The following CDH3 variants were observed in gnomAD, a reference collection of about 807,000 sequenced individuals.
The protein encoded by CDH3 is cadherin 3.
CDH3 carries 54 observed loss-of-function variants against 82.0 expected under a neutral mutation model. That is an observed-to-expected ratio of 0.66 (90% CI 0.53 to 0.83). CDH3 has a LOEUF of 0.83. Among genes scored for constraint, CDH3 ranks in the 40% least tolerant of loss-of-function variants. The pLI is 0.00. For synonymous variants in CDH3, 446 were observed against 437.9 expected, an observed-to-expected ratio of 1.02 and a Z score of -0.23; for missense variants, 1,054 against 1,084.6, an observed-to-expected ratio of 0.97 and a Z score of 0.40.
chr16:68,651,885 G>T, intron 2 of CDH3: 2 of 452,780 alleles, frequency 4.4e-6, no homozygotes, highest in South Asian at 3.7e-5. Flanking sequence ...GTCATATCTG[G>T]ACAGGAGCCG....
rs1411896780 is a variant in CDH3 at position 68,707,514 on chromosome 16, T to A, written c.99+11591T>A. On this transcript the variant is annotated intron_variant, in intron 1 of 2. Transcript: ENST00000569080. This position sits in a 1 kb window ranked among gnomAD's most constrained non-coding sequence, Gnocchi z 4.5. Reference sequence around the variant, plus strand: ...AGCTGGCAGGCGGGAGCTAGGAGATTCCTCTCTCGGGGAACCGGGGAGCCT... The same window carrying A: ...AGCTGGCAGGCGGGAGCTAGGAGATACCTCTCTCGGGGAACCGGGGAGCCT... Among the ~76,000 whole-genome samples the A allele has an allele frequency of 6.6e-6, 1 of 151,998 alleles. No individual in the cohort carries two copies. The highest frequency in any genetic ancestry group is 2.4e-5 in the African/African-American group (1 of 41,374).
rs531970165 is a variant in CDH3, at chr16:68,724,092, C to T, written c.*45+1476C>T. On this transcript the variant is annotated intron_variant, in intron 2 of 2. Coordinates refer to the CDH3 transcript ENST00000569080. The stretch of plus-strand genomic sequence containing the variant: ...TCAAAAAAAAAAAAAAAAAATTAGC[C>T]GGGTGTGGTGGCGCACACCGTAATC... Among the ~76,000 whole-genome samples, 17 of 134,588 alleles carry T rather than the reference C, an allele frequency of 1.3e-4. No homozygotes were observed. The South Asian group carries it at 3.8e-3, about 30-fold the overall frequency. 88.3% of individuals were successfully genotyped at this position (134,588 alleles called of 152,430 possible). A position where few individuals can be genotyped will look rare whatever the true frequency, so the allele number is the denominator to read the frequency against.
At chr16:68,719,016 G>T (rs1439658538) in intron 1 of CDH3, among the ~76,000 whole-genome samples, 2 of 152,160 alleles carry the variant, frequency 1.3e-5, no homozygotes, top group African/African-American at 4.8e-5. Context: ...GCCAAGGCAG[G>T]TGGATCACCT....
intron 6 of CDH3, among the ~76,000 whole-genome samples, chr16:68,679,158 G>A (rs946788536): frequency 5.9e-5 from 9 of 152,192 alleles, no homozygotes; most frequent in African/African-American, 2.2e-4. Context: ...ACTAGCTTTG[G>A]AGCTTCAAAG....
chr16:68,686,698 AT>A, intron 11 of CDH3: 2 of 762,578 alleles, frequency 2.6e-6, no homozygotes, highest in Non-Finnish European at 4.8e-6. Context: ...ATAAGTCACT[AT>A]TGGAATGGCA....
At chr16:68,680,006 C>T in intron 7 of CDH3, 32 bp downstream of exon 7, 1 of 1,600,228 alleles carries the variant, frequency 6.2e-7, no homozygotes, top group South Asian at 1.1e-5. Flanking sequence ...TACTGCCTAC[C>T]CAGACTTGCC....
rs1404159002 is a variant in CDH3, at chr16:68,707,894, G to A, written c.99+11971G>A. On this transcript the variant is annotated intron_variant, in intron 1 of 2. Transcript: ENST00000569080. This position sits in a 1 kb window ranked among gnomAD's most constrained non-coding sequence, Gnocchi z 4.5. Reference sequence around the variant, plus strand: ...GGCGGGTCAGGAATGCCTGGGCTCCGTTCCAACTTCTGTCCCCACTGTTGT... The same window carrying A: ...GGCGGGTCAGGAATGCCTGGGCTCCATTCCAACTTCTGTCCCCACTGTTGT... Among the ~76,000 whole-genome samples, 2 of 151,898 alleles carry A rather than the reference G, an allele frequency of 1.3e-5. No individual in the cohort carries two copies. Among genetic ancestry groups the A allele is most frequent in the Admixed American group, 6.6e-5 (1 of 15,232 alleles).
At chr16:68,661,965 A>AC (rs1640100935) in intron 2 of CDH3, among the ~76,000 whole-genome samples, 1 of 152,246 alleles carries the variant, frequency 6.6e-6, no homozygotes, top group Admixed American at 6.5e-5. Flanking sequence ...TGCTGGGATT[A>AC]CAGGCGTGAG....
chr16:68,721,595 G>A (rs1325317561), intron 1 of CDH3, among the ~76,000 whole-genome samples: 1 of 152,102 alleles, frequency 6.6e-6, no homozygotes, highest in East Asian at 1.9e-4. Flanking sequence ...GAGCCACTAT[G>A]CCCAGCCCCT....
At chr16:68,663,984 T>G (rs1232689133) in intron 2 of CDH3, among the ~76,000 whole-genome samples, 3 of 120,572 alleles carry the variant, frequency 2.5e-5, no homozygotes, top group African/African-American at 9.5e-5. Flanking sequence ...CTATGCTAAG[T>G]ATTAACTCAT....
At chr16:68,661,500 T>C (rs1960578039) in intron 2 of CDH3, among the ~76,000 whole-genome samples, 1 of 152,234 alleles carries the variant, frequency 6.6e-6, no homozygotes, top group Non-Finnish European at 1.5e-5. Flanking sequence ...TTGTTATAGC[T>C]GGAATAGTTT....
At chr16:68,721,579 A>G (rs1450492301) in intron 1 of CDH3, among the ~76,000 whole-genome samples, 1 of 152,096 alleles carries the variant, frequency 6.6e-6, no homozygotes, top group Non-Finnish European at 1.5e-5. Context: ...TAGGGATTAC[A>G]GGTGTGAGCC....
chr16:68,672,199 A>AT (rs1567444923), intron 2 of CDH3, among the ~76,000 whole-genome samples: 99 of 143,826 alleles, frequency 6.9e-4, no homozygotes, highest in South Asian at 3.6e-3. Flanking sequence ...TCAAAAAAAA[A>AT]AAAAATAAAT....
In CDH3 at chr16:68,720,933, T is replaced by C. The variant is rs578004208; in HGVS notation, c.100-1492T>C. 2.0e-4 allele frequency among the ~76,000 whole-genome samples: 31 copies of C among 152,238 alleles called. 1 individual carries two copies. In the South Asian group the frequency reaches 6.4e-3, roughly 32 times the overall value. Reference sequence around the variant, plus strand: ...CCATGTCAGGCCTTTATTGAGCATTTAGATGTATTAAGCACTTTGCAGGTA... The same window carrying C: ...CCATGTCAGGCCTTTATTGAGCATTCAGATGTATTAAGCACTTTGCAGGTA... On this transcript the variant is annotated intron_variant, in intron 1 of 2. Coordinates refer to the CDH3 transcript ENST00000569080.
rs775715119 is a variant in CDH3, at chr16:68,678,864, C to T, written c.649C>T (p.Gln217Ter). 1 of 1,614,086 alleles carries T rather than the reference C, an allele frequency of 6.2e-7. No individual in the cohort carries two copies. Among genetic ancestry groups the T allele is most frequent in the Non-Finnish European group, 8.5e-7 (1 of 1,180,032 alleles). Residue 217 changes from glutamine (Q) to a stop codon, truncating the protein, a stop_gained, in exon 6 of 16, where the codon CAG becomes TAG. Transcript: ENST00000264012. LOFTEE classifies it high-confidence loss of function. ...GAATGACCACAAGCCCAAGTTTACC[C>T]AGGACACCTTCCGAGGGAGTGTCTT... ...DQNDHKPKFT[Q>*]DTFRGSVLEG...
intron 2 of CDH3, among the ~76,000 whole-genome samples, chr16:68,646,542 G>A (rs1960075812): frequency 6.6e-6 from 1 of 151,988 alleles, no homozygotes; most frequent in South Asian, 2.1e-4. Context: ...ACCTGAGGGG[G>A]TGGGCGGTGC....
intron 2 of CDH3, among the ~76,000 whole-genome samples, chr16:68,660,235 T>G (rs1960524843): frequency 6.6e-6 from 1 of 152,244 alleles, no homozygotes; most frequent in Non-Finnish European, 1.5e-5. Context: ...TGCTGTAAAC[T>G]TAAGGTTACT....
In CDH3 at chr16:68,678,565, G is replaced by T; in HGVS notation, c.455G>T (p.Ser152Ile). ...FYSITGPGAD[S>I]PPEGVFAVEK... Reference sequence around the variant, plus strand: ...AGCATCACGGGGCCGGGGGCAGACAGCCCCCCTGAGGGTGTCTTCGCTGTA... The same window carrying T: ...AGCATCACGGGGCCGGGGGCAGACATCCCCCCTGAGGGTGTCTTCGCTGTA... The change falls in exon 5 of 16, where the codon AGC becomes ATC. Residue 152 changes from serine to isoleucine, a missense_variant. Ser to Ile is a moderately radical substitution (Grantham distance 142). Coordinates refer to ENST00000264012, the MANE Select transcript of CDH3 (RefSeq NM_001793.6). 1 of 1,613,552 alleles carries T rather than the reference G, an allele frequency of 6.2e-7. No individual in the cohort carries two copies. The highest frequency in any genetic ancestry group is 1.1e-5 in the South Asian group (1 of 91,042).
At position 68,687,674 on chromosome 16, in the gene CDH3, C is replaced by A; in HGVS notation, c.1733C>A (p.Pro578His). Residue 578 changes from proline to histidine, a missense_variant, in exon 12 of 16, where the codon CCT (proline) becomes CAT (histidine). Pro to His is a moderately conservative substitution (Grantham distance 77, BLOSUM62 -2). Coordinates refer to ENST00000264012, the MANE Select transcript of CDH3 (RefSeq NM_001793.6). The stretch of plus-strand genomic sequence containing the variant: ...AAGGACCTGTCTCCCCACACCTCCC[C>A]TTTCCAGGCCCAGCTCACAGATGAC... ...TDKDLSPHTS[P>H]FQAQLTDDSD... is the part of the protein sequence containing the mutation. 6.2e-7 allele frequency: 1 copy of A among 1,614,112 alleles called. No individual in the cohort carries two copies. The highest frequency in any genetic ancestry group is 1.1e-5 in the South Asian group (1 of 91,074).
Sources: allele counts gnomAD v4.1 joint callset (sites outside exome capture counted in the v4.1 genomes callset), GRCh38; gene constraint gnomAD v4.1.1; non-coding constraint Gnocchi (gnomAD v3.1); transcripts MANE v1.5; gene names NCBI Gene and HGNC (gene_info 2026-07-23, HGNC 2026-07-21).